The following POU6F2 variants were observed in gnomAD, a reference collection of about 807,000 sequenced individuals.
POU6F2 encodes POU domain, class 6, transcription factor 2.
Under a neutral mutation model 71.3 loss-of-function variants are expected in POU6F2, and 31 were observed. The observed-to-expected ratio is 0.43, with a 90% CI of 0.33 to 0.59. POU6F2 has a LOEUF of 0.59. Ranked by LOEUF, POU6F2 falls within the 20% of genes least tolerant of loss-of-function variation. POU6F2 has a pLI of 0.04. For synonymous variants in POU6F2, 347 were observed against 355.7 expected (o/e 0.98, Z 0.27); for missense variants, 783 against 856.8 (o/e 0.91, Z 1.07).
intron 2 of POU6F2, among the ~76,000 whole-genome samples, chr7:39,104,689 A>G (rs1791640967): frequency 6.6e-6 from 1 of 152,212 alleles, no homozygotes. Flanking sequence ...GCTGTTCCAT[A>G]TTTGAGAAGA....
intron 2 of POU6F2, among the ~76,000 whole-genome samples, chr7:39,159,273 A>G (rs975613563): frequency 3.9e-5 from 6 of 152,086 alleles, no homozygotes; most frequent in Non-Finnish European, 8.8e-5. Context: ...TCTATGTTCT[A>G]TGTCTTATCT....
At chr7:39,190,301 A>T (rs1365787491) in intron 2 of POU6F2, among the ~76,000 whole-genome samples, 1 of 151,782 alleles carries the variant, frequency 6.6e-6, no homozygotes, top group Admixed American at 6.6e-5. Flanking sequence ...ACATTGATAG[A>T]CTTGCATATA....
At chr7:38,995,170 G>A (rs757524619) in intron 1 of POU6F2, among the ~76,000 whole-genome samples, 1 of 152,196 alleles carries the variant, frequency 6.6e-6, no homozygotes, top group Non-Finnish European at 1.5e-5. Flanking sequence ...AAAGTACTAA[G>A]TTGCTTTCCA....
At position 39,451,700 on chromosome 7, in the gene POU6F2, C is replaced by T; in HGVS notation, c.1488C>T (p.Ser496=). Residue 496 remains serine (S), a splice_region_variant and synonymous_variant, in exon 8 of 10, where the codon AGC becomes AGT. Coordinates refer to ENST00000518318, the MANE Select transcript of POU6F2 (RefSeq NM_001370959.1). ...SSALSVGQLV[S]NPQTAAGEVD... ...CTTTGAGCGTGGGCCAGTTAGTCAG[C>T]AGTAAGTATCCTTTCTGGCTCGGTT... The T allele has an allele frequency of 6.3e-7, 1 of 1,582,396 alleles. No individual in the cohort carries two copies. Among genetic ancestry groups the T allele is most frequent in the Non-Finnish European group, 8.6e-7 (1 of 1,163,646 alleles).
At chr7:39,080,826 C>T (rs537470671) in intron 1 of POU6F2, among the ~76,000 whole-genome samples, 3 of 152,292 alleles carry the variant, frequency 2.0e-5, no homozygotes, top group South Asian at 4.1e-4. Context: ...TTAATTATCT[C>T]GCTATCTTTA....
At chr7:39,118,237 A>C (rs921316961) in intron 2 of POU6F2, among the ~76,000 whole-genome samples, 1 of 152,324 alleles carries the variant, frequency 6.6e-6, no homozygotes, top group East Asian at 1.9e-4. Flanking sequence ...TCACCTATGC[A>C]TACAGAGCAT....
rs571505234 is a variant in POU6F2, at chr7:39,063,678, A to G, written c.106-22182A>G. Among the ~76,000 whole-genome samples the G allele has an allele frequency of 4.6e-5, 7 of 152,282 alleles. No homozygotes were observed. In the South Asian group the frequency reaches 1.2e-3, roughly 27 times the overall value. On this transcript the variant is annotated intron_variant, in intron 1 of 9. Transcript: ENST00000518318. ...AGATTGAGAGGGTTCTCTCAGTTCT[A>G]AGAAAATCAATGAAAAGAGACCCAC...
intron 1 of POU6F2, among the ~76,000 whole-genome samples, chr7:39,073,624 C>A (rs1044911828): frequency 2.0e-5 from 3 of 152,312 alleles, no homozygotes; most frequent in African/African-American, 7.2e-5. Context: ...GAGGGAGGGA[C>A]GGAGCAGCTG....
At chr7:39,110,834 A>G (rs1214702751) in intron 2 of POU6F2, among the ~76,000 whole-genome samples, 1 of 152,208 alleles carries the variant, frequency 6.6e-6, no homozygotes, top group African/African-American at 2.4e-5. Flanking sequence ...CAACATTCAC[A>G]CAGAATGTTT....
chr7:39,394,563 C>A (rs978294392), intron 5 of POU6F2, among the ~76,000 whole-genome samples: 1 of 152,178 alleles, frequency 6.6e-6, no homozygotes, highest in Non-Finnish European at 1.5e-5. Context: ...TCTTTCTCTG[C>A]CTTCAAAGCC....
intron 4 of POU6F2, 121 bp from the exon 5 acceptor site, chr7:39,339,521 G>A: frequency 7.4e-7 from 1 of 1,350,388 alleles, no homozygotes; most frequent in Non-Finnish European, 9.8e-7. Flanking sequence ...AGAGCTTCAG[G>A]GGGCAAGGAC....
intron 2 of POU6F2, among the ~76,000 whole-genome samples, chr7:39,110,089 G>C (rs113694897): frequency 6.6e-6 from 1 of 151,896 alleles, no homozygotes; most frequent in South Asian, 2.1e-4. Flanking sequence ...TGGCCAACAC[G>C]GCGAAACCCC....
At chr7:39,280,918 A>G (rs920812630) in intron 4 of POU6F2, among the ~76,000 whole-genome samples, 9 of 152,230 alleles carry the variant, frequency 5.9e-5, no homozygotes, top group African/African-American at 1.9e-4. Flanking sequence ...GCGAATTTCC[A>G]AACAGTTATG....
chr7:39,130,084 AAAAAAAT>A (rs1295005554), intron 2 of POU6F2, among the ~76,000 whole-genome samples: 36 of 148,556 alleles, frequency 2.4e-4, no homozygotes, highest in Non-Finnish European at 4.2e-4. Flanking sequence ...AAAAAAAAAA[AAAAAAAT>A]TTCACAGCAT....
At chr7:39,147,067 G>T (rs13229436) in intron 2 of POU6F2, among the ~76,000 whole-genome samples, 4,526 of 152,234 alleles carry the variant, frequency 0.03, 94 homozygotes, top group Middle Eastern at 0.078. Flanking sequence ...AGTCATAGAA[G>T]AATGTGTATT....
intron 4 of POU6F2, among the ~76,000 whole-genome samples, chr7:39,216,565 T>C (rs1794246730): frequency 2.0e-5 from 3 of 152,144 alleles, no homozygotes; most frequent in Admixed American, 2.0e-4. Flanking sequence ...ATTTGGGGGC[T>C]GATGCAACTG....
Position 39,395,986 on chromosome 7 carries a change from C to G in POU6F2, c.973-10614C>G, listed in dbSNP as rs147144930. ...AATTTTGAAATATCAACAAATTCACCTAACTAATGTGCCATGACAATAGGC... is the reference window on the plus strand; with the variant it reads ...AATTTTGAAATATCAACAAATTCACGTAACTAATGTGCCATGACAATAGGC... On this transcript the variant is annotated intron_variant, in intron 5 of 9. Coordinates refer to ENST00000518318, the MANE Select transcript of POU6F2 (RefSeq NM_001370959.1). 5.0e-3 allele frequency among the ~76,000 whole-genome samples: 758 copies of G among 152,204 alleles called. 5 individuals carry two copies. The highest frequency in any genetic ancestry group is 0.017 in the African/African-American group (714 of 41,530).
At chr7:39,411,914 A>G (rs1787557754) in intron 6 of POU6F2, among the ~76,000 whole-genome samples, 1 of 152,258 alleles carries the variant, frequency 6.6e-6, no homozygotes, top group African/African-American at 2.4e-5. Context: ...CTGGAAGGCC[A>G]TCCCAATGTC....
chr7:39,019,544 C>T (rs1417421183), intron 1 of POU6F2, among the ~76,000 whole-genome samples: 1 of 152,038 alleles, frequency 6.6e-6, no homozygotes, highest in Non-Finnish European at 1.5e-5. Flanking sequence ...TGATAAATTG[C>T]TCACATTCCT....
Sources: allele counts gnomAD v4.1 joint callset (sites outside exome capture counted in the v4.1 genomes callset), GRCh38; gene constraint gnomAD v4.1.1; transcripts MANE v1.5; gene names NCBI Gene and HGNC (gene_info 2026-07-23, HGNC 2026-07-21).